The following RTN4IP1 variants were observed in gnomAD, a reference collection of about 807,000 sequenced individuals.
RTN4IP1 encodes the protein NAD(P)H oxidoreductase RTN4IP1, mitochondrial.
In RTN4IP1, 32 loss-of-function variants were observed where a neutral mutation model predicts 46.6. The ratio of observed to expected loss-of-function variants is 0.69; its 90% CI spans 0.52 to 0.92. The LOEUF (loss-of-function observed/expected upper bound fraction) is 0.92, where lower values mean the gene tolerates loss of function less well. Among genes scored for constraint, RTN4IP1 ranks in the 40% least tolerant of loss-of-function variants. The pLI is 0.00. For missense variants in RTN4IP1, 424 were observed against 485.8 expected (o/e 0.87, Z 1.20); for synonymous variants, 167 against 161.8 (o/e 1.03, Z -0.24).
At chr6:106,592,797 C>T (rs1445101705) in intron 5 of RTN4IP1, among the ~76,000 whole-genome samples, 3 of 152,018 alleles carry the variant, frequency 2.0e-5, no homozygotes, top group South Asian at 2.1e-4. Flanking sequence ...TGGTAGCGGG[C>T]GGGCACCTGT....
At chr6:106,597,193 T>A (rs888156732) in intron 5 of RTN4IP1, among the ~76,000 whole-genome samples, 1 of 152,226 alleles carries the variant, frequency 6.6e-6, no homozygotes, top group African/African-American at 2.4e-5. Flanking sequence ...TTCAAATCAT[T>A]TAATTTCAGG....
intron 4 of RTN4IP1, among the ~76,000 whole-genome samples, chr6:106,614,200 G>A (rs1238073863): frequency 6.6e-6 from 1 of 152,190 alleles, no homozygotes; most frequent in African/African-American, 2.4e-5. Context: ...GAACTTGGAA[G>A]ACATTGTTCC....
chr6:106,599,384 C>A (rs1331750443), intron 5 of RTN4IP1, among the ~76,000 whole-genome samples: 2 of 151,480 alleles, frequency 1.3e-5, no homozygotes, highest in Non-Finnish European at 2.9e-5. Context: ...CTAAGCCTCC[C>A]AATTAAAACC....
chr6:106,594,496 T>G (rs1338665553), intron 5 of RTN4IP1, among the ~76,000 whole-genome samples: 1 of 151,060 alleles, frequency 6.6e-6, no homozygotes, highest in East Asian at 2.0e-4. Flanking sequence ...GGTGACAGAG[T>G]GAGATTCTGT....
intron 7 of RTN4IP1, among the ~76,000 whole-genome samples, chr6:106,585,789 A>G (rs913872196): frequency 6.6e-6 from 1 of 152,236 alleles, no homozygotes; most frequent in Admixed American, 6.5e-5. Context: ...AGTAGGAGGA[A>G]AAGAGAATGA....
At chr6:106,629,776 C>T, upstream of RTN4IP1, 3 of 1,552,016 alleles carry the variant, frequency 1.9e-6, no homozygotes, top group East Asian at 4.8e-5. Context: ...ACAAAGAGTC[C>T]CTGGGCCTTA....
At chr6:106,587,658 A>G (rs1562135105) in intron 7 of RTN4IP1, 21 bp downstream of exon 7, 2 of 1,592,414 alleles carry the variant, frequency 1.3e-6, no homozygotes, top group Non-Finnish European at 1.7e-6. Context: ...TGCAGTCACC[A>G]ACCAAGACCC....
intron 6 of RTN4IP1, among the ~76,000 whole-genome samples, chr6:106,589,676 AG>A (rs1775598416): frequency 6.6e-6 from 1 of 152,182 alleles, no homozygotes; most frequent in African/African-American, 2.4e-5. Context: ...AGGATTTCAA[AG>A]CCCCTTCTTG....
intron 4 of RTN4IP1, among the ~76,000 whole-genome samples, chr6:106,607,549 T>A (rs1377839894): frequency 3.9e-5 from 6 of 152,004 alleles, no homozygotes. Context: ...AGTAATCCAA[T>A]TAAAAACGTG....
At chr6:106,616,727 T>C (rs1054576821) in intron 4 of RTN4IP1, among the ~76,000 whole-genome samples, 8 of 152,228 alleles carry the variant, frequency 5.3e-5, no homozygotes, top group African/African-American at 1.9e-4. Flanking sequence ...ATTTCTTCAT[T>C]AAAAGTATTT....
intron 1 of RTN4IP1, among the ~76,000 whole-genome samples, chr6:106,624,830 G>A (rs1167120534): frequency 7.3e-5 from 11 of 150,536 alleles, no homozygotes; most frequent in Non-Finnish European, 1.5e-5. Context: ...CAGCTACTCA[G>A]GAGGCTGAGG....
At chr6:106,575,896 C>T (rs1775215513) in intron 8 of RTN4IP1, among the ~76,000 whole-genome samples, 1 of 152,164 alleles carries the variant, frequency 6.6e-6, no homozygotes, top group African/African-American at 2.4e-5. Flanking sequence ...TCTTCTTCCA[C>T]CAGGCACAGA....
intron 1 of RTN4IP1, among the ~76,000 whole-genome samples, chr6:106,624,935 C>CAAAAAAAAAAAAAAAAAAA (rs1329840633): frequency 2.1e-5 from 1 of 47,992 alleles, no homozygotes; most frequent in Non-Finnish European, 5.0e-5. Flanking sequence ...AGCTCTGTCT[C>CAAAAAAAAAAAAAAAAAAA]AAAAAAAAAA....
rs139180206 is a variant in RTN4IP1 at position 106,603,836 on chromosome 6, T to C, written c.621-914A>G. ...CTGGATGGTTTCAAGTCCCAGAAAA[T>C]TGTTTGTACTGTACTTTGGTGTCAT... On this transcript the variant is annotated intron_variant, in intron 4 of 8. Transcript: ENST00000369063. Among the ~76,000 whole-genome samples, 18 of 152,232 alleles carry C rather than the reference T, an allele frequency of 1.2e-4. No individual in the cohort carries two copies. In the South Asian group the frequency reaches 1.9e-3, roughly 16 times the overall value.
intron 7 of RTN4IP1, among the ~76,000 whole-genome samples, chr6:106,585,618 G>A (rs1775464350): frequency 6.6e-6 from 1 of 152,202 alleles, no homozygotes; most frequent in Non-Finnish European, 1.5e-5. Context: ...AGAGGTCTGT[G>A]TTATTCCCCC....
intron 8 of RTN4IP1, among the ~76,000 whole-genome samples, chr6:106,573,168 C>G (rs1775124703): frequency 6.6e-6 from 1 of 152,164 alleles, no homozygotes; most frequent in Non-Finnish European, 1.5e-5. Flanking sequence ...GAAACTAGGT[C>G]CCAGGTAACA....
chr6:106,619,355 A>C, intron 3 of RTN4IP1, 29 bp from the exon 4 acceptor site: 1 of 1,613,498 alleles, frequency 6.2e-7, no homozygotes, highest in Non-Finnish European at 8.5e-7. Flanking sequence ...GTCAAAAATA[A>C]GCAATGACTT....
At position 106,629,306 on chromosome 6, in the gene RTN4IP1, G is replaced by A. The variant is rs1470999418; in HGVS notation, c.-285C>T. 8 of 497,490 alleles carry A rather than the reference G, an allele frequency of 1.6e-5. No homozygotes were observed. The highest frequency in any genetic ancestry group is 3.9e-5 in the Admixed American group (1 of 25,936). The allele number at this position is 497,490 out of a possible 1,614,324, so 30.8% of individuals were successfully genotyped here. ...ACCCCCTCCACTTTAAAAAAAAAAG[G>A]GGGGGCGGGGCATTAAAAAGCAGGT... is the stretch of plus-strand genomic sequence containing the variant. On this transcript the variant is annotated 5_prime_UTR_variant, in exon 1 of 9. Coordinates refer to ENST00000369063, the MANE Select transcript of RTN4IP1 (RefSeq NM_032730.5).
intron 6 of RTN4IP1, 96 bp downstream of exon 6, chr6:106,592,068 T>A (rs1002149008): frequency 1.3e-5 from 16 of 1,279,638 alleles, no homozygotes; most frequent in Middle Eastern, 5.4e-4. Flanking sequence ...CTTCTCAAGA[T>A]TCCAACATGA....
Sources: allele counts gnomAD v4.1 joint callset (sites outside exome capture counted in the v4.1 genomes callset), GRCh38; gene constraint gnomAD v4.1.1; transcripts MANE v1.5; gene names NCBI Gene and HGNC (gene_info 2026-07-23, HGNC 2026-07-21).